The following PCGF5 variants were observed in gnomAD, a reference collection of about 807,000 sequenced individuals.
PCGF5 encodes the protein polycomb group ring finger 5, also known as polycomb group RING finger protein 5.
A neutral mutation model predicts 44.3 loss-of-function variants in PCGF5; 9 were observed. That is an observed-to-expected ratio of 0.20 (90% CI 0.12 to 0.35). PCGF5 has a LOEUF of 0.35. Among genes scored for constraint, PCGF5 ranks in the 10% least tolerant of loss-of-function variants. The pLI is 1.00. For synonymous variants in PCGF5, 95 were observed against 102.5 expected (o/e 0.93, Z 0.44); for missense variants, 146 against 305.3 (o/e 0.48, Z 3.89).
At chr10:91,265,958 C>T (rs1329939983) in intron 8 of PCGF5, among the ~76,000 whole-genome samples, 1 of 152,110 alleles carries the variant, frequency 6.6e-6, no homozygotes, top group Non-Finnish European at 1.5e-5. Context: ...GATCTAACTA[C>T]CTTTGTATTT....
At chr10:91,249,397 ATATATATATATAT>A (rs1845563194) in intron 5 of PCGF5, among the ~76,000 whole-genome samples, 1 of 143,170 alleles carries the variant, frequency 7.0e-6, no homozygotes, top group Non-Finnish European at 1.5e-5. Context: ...ATATATATAT[ATATATATATATAT>A]ATATATATAT....
At chr10:91,251,592 T>A (rs1845625319) in intron 6 of PCGF5, 152 bp downstream of exon 6, 1 of 777,018 alleles carries the variant, frequency 1.3e-6, no homozygotes, top group South Asian at 1.8e-5. Context: ...AATCCTATGC[T>A]TAGAAATGGT....
At chr10:91,237,539 T>C (rs1308138014) in intron 2 of PCGF5, among the ~76,000 whole-genome samples, 4 of 152,140 alleles carry the variant, frequency 2.6e-5, no homozygotes, top group Non-Finnish European at 5.9e-5. Flanking sequence ...GGCCAGGAGT[T>C]GGAGACCAGC....
chr10:91,186,097 T>C (rs1843918166), intron 1 of PCGF5, among the ~76,000 whole-genome samples: 1 of 152,254 alleles, frequency 6.6e-6, no homozygotes. Context: ...GAATTTCCTG[T>C]GCAGTAATTT....
chr10:91,235,101 C>T (rs1268168502), intron 2 of PCGF5, among the ~76,000 whole-genome samples: 1 of 152,154 alleles, frequency 6.6e-6, no homozygotes, highest in Non-Finnish European at 1.5e-5. Flanking sequence ...TGACTACCTC[C>T]TACTCTCCCT....
intron 3 of PCGF5, among the ~76,000 whole-genome samples, chr10:91,245,763 C>T (rs182408272): frequency 1.3e-5 from 2 of 152,156 alleles, no homozygotes; most frequent in South Asian, 4.2e-4. Flanking sequence ...GTTTGTTTTT[C>T]ATTGCTTTGA....
intron 6 of PCGF5, among the ~76,000 whole-genome samples, chr10:91,255,630 T>A (rs1845729422): frequency 6.6e-6 from 1 of 152,086 alleles, no homozygotes; most frequent in Non-Finnish European, 1.5e-5. Flanking sequence ...CATGACTACA[T>A]ATGGTAAAGA....
At chr10:91,162,329 CTT>C (rs1189523341), upstream of PCGF5, among the ~76,000 whole-genome samples, 1 of 150,944 alleles carries the variant, frequency 6.6e-6, no homozygotes, top group African/African-American at 2.4e-5. Context: ...GGTGGGGGGA[CTT>C]TGCGATTAGA....
chr10:91,223,341 C>T (rs575192071), intron 2 of PCGF5, among the ~76,000 whole-genome samples: 3 of 152,152 alleles, frequency 2.0e-5, no homozygotes, highest in Admixed American at 2.0e-4. Flanking sequence ...ACTCTTAATT[C>T]GCTGGTTCTC....
chr10:91,264,754 T>C (rs961472108), intron 8 of PCGF5, among the ~76,000 whole-genome samples: 1 of 152,190 alleles, frequency 6.6e-6, no homozygotes, highest in African/African-American at 2.4e-5. Context: ...CCTATCTAAA[T>C]ATGTTCAGGA....
At chr10:91,162,704 G>A (rs1041195026), upstream of PCGF5, among the ~76,000 whole-genome samples, 1 of 151,242 alleles carries the variant, frequency 6.6e-6, no homozygotes, top group African/African-American at 2.4e-5. Flanking sequence ...GACGCTCCGG[G>A]AGCTGCGCGG....
At chr10:91,276,917 A>G (rs1846330338) in intron 9 of PCGF5, among the ~76,000 whole-genome samples, 1 of 152,228 alleles carries the variant, frequency 6.6e-6, no homozygotes, top group African/African-American at 2.4e-5. Flanking sequence ...TCCAGAGTTT[A>G]GTAAAATGGA....
intron 2 of PCGF5, among the ~76,000 whole-genome samples, chr10:91,230,937 A>T (rs1043773170): frequency 6.6e-6 from 1 of 151,944 alleles, no homozygotes; most frequent in Non-Finnish European, 1.5e-5. Flanking sequence ...TATTTTAGAG[A>T]CGGGATCTTA....
At chr10:91,271,812 C>T (rs1165707214) in intron 9 of PCGF5, 115 bp downstream of exon 9, 4 of 799,558 alleles carry the variant, frequency 5.0e-6, no homozygotes, top group Non-Finnish European at 8.1e-6. Context: ...ACTGGAGCTA[C>T]AAAAACTTAT....
intron 2 of PCGF5, among the ~76,000 whole-genome samples, chr10:91,231,310 G>A (rs943324217): frequency 1.3e-5 from 2 of 152,180 alleles, no homozygotes; most frequent in Non-Finnish European, 2.9e-5. Flanking sequence ...ATGATAGTGT[G>A]TATTATATTA....
At chr10:91,217,847 C>T (rs758278093), upstream of PCGF5, among the ~76,000 whole-genome samples, 25 of 152,140 alleles carry the variant, frequency 1.6e-4, no homozygotes, top group Non-Finnish European at 2.5e-4. Flanking sequence ...AGTGCAATGG[C>T]GCGATCTTGG....
At chr10:91,258,118 G>T (rs1321748401) in intron 6 of PCGF5, among the ~76,000 whole-genome samples, 1 of 152,078 alleles carries the variant, frequency 6.6e-6, no homozygotes, top group Non-Finnish European at 1.5e-5. Context: ...AGTAGATTAG[G>T]GTTGTCAGGG....
chr10:91,167,945 TC>T (rs1261163710), intron 1 of PCGF5, among the ~76,000 whole-genome samples: 3 of 152,076 alleles, frequency 2.0e-5, no homozygotes, highest in African/African-American at 4.8e-5. Context: ...GAGGAAGAAA[TC>T]AAAGACAGAA....
chr10:91,275,607 ATTTTT>A (rs72439811), intron 9 of PCGF5, among the ~76,000 whole-genome samples: 1 of 128,892 alleles, frequency 7.8e-6, no homozygotes, highest in Non-Finnish European at 1.6e-5. Context: ...TGCCCGGCTA[ATTTTT>A]TTTTTTTTTT....
Sources: gnomAD v4.1 joint callset for allele counts (sites outside exome capture counted in the v4.1 genomes callset) on GRCh38, gnomAD v4.1.1 for gene constraint, MANE v1.5 for transcripts, NCBI Gene and HGNC (gene_info 2026-07-23, HGNC 2026-07-21) for gene names.